Variants in ACOT7 observed in about 807,000 individuals in gnomAD.
ACOT7 encodes acyl-CoA thioesterase 7, also known as cytosolic acyl coenzyme A thioester hydrolase.
Under a neutral mutation model 40.2 loss-of-function variants are expected in ACOT7, and 12 were observed. The observed-to-expected ratio is 0.30, with a 90% confidence interval of 0.19 to 0.48. The LOEUF is 0.48. Ranked by LOEUF, ACOT7 falls within the 20% of genes least tolerant of loss-of-function variation. The pLI is 0.99. For synonymous variants in ACOT7, 228 were observed against 219.5 expected (o/e 1.04, Z -0.34); for missense variants, 395 against 530.8 (o/e 0.74, Z 2.51).
intron 6 of ACOT7, among the ~76,000 whole-genome samples, chr1:6,309,692 A>G (rs1055760033): frequency 4.6e-5 from 7 of 152,120 alleles, no homozygotes; most frequent in Admixed American, 1.3e-4. Flanking sequence ...GTTCTCGTTA[A>G]GGAGGCTTAG....
chr1:6,305,823 G>T (rs1165548850), intron 6 of ACOT7, among the ~76,000 whole-genome samples: 1 of 152,180 alleles, frequency 6.6e-6, no homozygotes, highest in Admixed American at 6.5e-5. Flanking sequence ...GGCACTTTGG[G>T]GGGCCAAGGC....
chr1:6,361,990 C>T (rs1378197638), intron 1 of ACOT7, among the ~76,000 whole-genome samples: 1 of 152,222 alleles, frequency 6.6e-6, no homozygotes, highest in Admixed American at 6.5e-5. Flanking sequence ...GCAGATGTGG[C>T]ATCCATCTCT....
chr1:6,346,850 A>T (rs1235857338), intron 2 of ACOT7, among the ~76,000 whole-genome samples: 1 of 152,118 alleles, frequency 6.6e-6, no homozygotes, highest in Non-Finnish European at 1.5e-5. Context: ...CTGCTCCCAG[A>T]GCCTCATGAG....
At chr1:6,268,660 C>T (rs1403166805) in intron 8 of ACOT7, among the ~76,000 whole-genome samples, 2 of 152,238 alleles carry the variant, frequency 1.3e-5, no homozygotes, top group Non-Finnish European at 2.9e-5. Context: ...TGATGGGCCC[C>T]AGGCCCCACG....
rs1215893756 is a variant in ACOT7, at chr1:6,306,279, A to G, written c.713-11299T>C. The G allele has an allele frequency of 6.1e-6, 6 of 984,886 alleles. No homozygotes were observed. The highest frequency in any genetic ancestry group is 1.8e-5 in the African/African-American group (1 of 56,978). The allele number at this position is 984,886 out of a possible 1,614,324, so 61.0% of individuals were successfully genotyped here. On this transcript the variant is annotated intron_variant, in intron 6 of 8. Coordinates refer to ENST00000361521, the MANE Select transcript of ACOT7 (RefSeq NM_007274.4). This position sits in a 1 kb window ranked among gnomAD's most constrained non-coding sequence, Gnocchi z 4.3. The stretch of plus-strand genomic sequence containing the variant: ...TGGCAAGACCTCAACCAAATACTCC[A>G]TATTTCTGGAAAGGGGTCAGTGCCC...
rs75953809 is a variant in ACOT7 at position 6,301,998 on chromosome 1, G to C, written c.713-7018C>G. Reference sequence around the variant, plus strand: ...ACTAACGATGGAAAAGGCCAAGACTGGTGGATGGAGTCAGTGCTATTCTGG... The same window carrying C: ...ACTAACGATGGAAAAGGCCAAGACTCGTGGATGGAGTCAGTGCTATTCTGG... On this transcript the variant is annotated intron_variant, in intron 6 of 8. Coordinates refer to ENST00000361521, the MANE Select transcript of ACOT7 (RefSeq NM_007274.4). This position sits in a 1 kb window ranked among gnomAD's most constrained non-coding sequence, Gnocchi z 4.1. Among the ~76,000 whole-genome samples, 49 of 152,374 alleles carry C rather than the reference G, an allele frequency of 3.2e-4. No individual in the cohort carries two copies. In the East Asian group the frequency reaches 9.4e-3, roughly 29 times the overall value.
rs971815224 is a variant in ACOT7 at position 6,352,930 on chromosome 1, G to A, written c.144-3064C>T. ...GTCTCATTCTGTCACCCAGGCTGGA[G>A]TACAGTGGCATGATCTTGGCTCACT... is the stretch of plus-strand genomic sequence containing the variant. On this transcript the variant is annotated intron_variant, in intron 1 of 8. Transcript: ENST00000361521. The surrounding 1 kb of genome is among the most constrained non-coding windows in gnomAD (Gnocchi z 4.5). Among the ~76,000 whole-genome samples the A allele has an allele frequency of 1.3e-5, 2 of 152,098 alleles. No homozygotes were observed. The highest frequency in any genetic ancestry group is 2.9e-5 in the Non-Finnish European group (2 of 68,030).
At position 6,289,131 on chromosome 1, in the gene ACOT7, G is replaced by A. The variant is rs1164936000; in HGVS notation, c.829+5733C>T. ...TTATTTTTTTTTGAGACGGAGTCTCGCTCTGTCGCCCCGGCTGGAGTGCAG... is the reference window on the plus strand; with the variant it reads ...TTATTTTTTTTTGAGACGGAGTCTCACTCTGTCGCCCCGGCTGGAGTGCAG... On this transcript the variant is annotated intron_variant, in intron 7 of 8. Transcript: ENST00000361521. The surrounding 1 kb of genome is among the most constrained non-coding windows in gnomAD (Gnocchi z 4.6). Among the ~76,000 whole-genome samples, 3 of 152,048 alleles carry A rather than the reference G, an allele frequency of 2.0e-5. No homozygotes were observed. Among genetic ancestry groups the A allele is most frequent in the African/African-American group, 7.2e-5 (3 of 41,398 alleles).
At chr1:6,323,729 AAAAAAAAAATATATAT>A (rs1305726571) in intron 5 of ACOT7, among the ~76,000 whole-genome samples, 6 of 94,624 alleles carry the variant, frequency 6.3e-5, no homozygotes, top group African/African-American at 1.1e-4. Context: ...AAAAAAAAAA[AAAAAAAAAATATATAT>A]ATATATATAT....
chr1:6,290,027 C>T (rs1319348410), intron 7 of ACOT7, among the ~76,000 whole-genome samples: 6 of 152,048 alleles, frequency 3.9e-5, no homozygotes, highest in Non-Finnish European at 8.8e-5. Flanking sequence ...CTGGGGTACC[C>T]GGGTGGGCCT....
At chr1:6,319,043 T>C (rs1041982246) in intron 5 of ACOT7, among the ~76,000 whole-genome samples, 12 of 152,042 alleles carry the variant, frequency 7.9e-5, no homozygotes, top group Non-Finnish European at 1.3e-4. Context: ...CCAACCCCAT[T>C]CACTGCTCTA....
At chr1:6,332,279 G>A (rs1235930030) in intron 4 of ACOT7, among the ~76,000 whole-genome samples, 1 of 152,194 alleles carries the variant, frequency 6.6e-6, no homozygotes, top group East Asian at 1.9e-4. Context: ...GCTCTTCCTG[G>A]GGGCTGTGGC....
At chr1:6,321,842 C>T (rs1315674049) in intron 5 of ACOT7, among the ~76,000 whole-genome samples, 1 of 152,216 alleles carries the variant, frequency 6.6e-6, no homozygotes, top group East Asian at 1.9e-4. Flanking sequence ...AGTCTCCTTC[C>T]GTTCCCAGGT....
intron 2 of ACOT7, among the ~76,000 whole-genome samples, chr1:6,343,542 AG>A (rs1186992417): frequency 6.6e-6 from 1 of 152,248 alleles, no homozygotes; most frequent in East Asian, 1.9e-4. Flanking sequence ...TACTCACAAC[AG>A]GTCACAGTAA....
rs749424998 is a variant in ACOT7, at chr1:6,281,261, G to A, written c.855C>T (p.Arg285=). The A allele has an allele frequency of 3.7e-6, 6 of 1,613,684 alleles. No homozygotes were observed. Among genetic ancestry groups the A allele is most frequent in the South Asian group, 1.1e-5 (1 of 91,074 alleles). ...TGGACTTATTGCTCGTGAAGGTCAT[G>A]CGTCCCGAGATGGTGATGACGCAGC... ...RKGCVITISG[R]MTFTSNKSME... The change falls in exon 8 of 9, where the codon CGC becomes CGT. Residue 285 remains arginine (R), a synonymous_variant. Coordinates refer to ENST00000361521, the MANE Select transcript of ACOT7 (RefSeq NM_007274.4).
chr1:6,335,318 ACT>A (rs1221714551), intron 3 of ACOT7, among the ~76,000 whole-genome samples: 2 of 130,828 alleles, frequency 1.5e-5, no homozygotes, highest in African/African-American at 6.0e-5. Flanking sequence ...CGAGAGCAAA[ACT>A]CTGCCTCAAA....
At chr1:6,393,138 G>T in intron 1 of ACOT7, 119 bp downstream of exon 1, 2 of 1,097,946 alleles carry the variant, frequency 1.8e-6, no homozygotes, top group African/African-American at 1.7e-5. Flanking sequence ...AAGGCCGTGC[G>T]GGGAATCGGC....
At position 6,301,979 on chromosome 1, in the gene ACOT7, G is replaced by T. The variant is rs1375841341; in HGVS notation, c.713-6999C>A. ...TATGAAACAACAACTTTATACTAAC[G>T]ATGGAAAAGGCCAAGACTGGTGGAT... is the stretch of plus-strand genomic sequence containing the variant. On this transcript the variant is annotated intron_variant, in intron 6 of 8. Coordinates refer to ENST00000361521, the MANE Select transcript of ACOT7 (RefSeq NM_007274.4). The surrounding 1 kb of genome is among the most constrained non-coding windows in gnomAD (Gnocchi z 4.1). Among the ~76,000 whole-genome samples, 1 of 152,198 alleles carries T rather than the reference G, an allele frequency of 6.6e-6. No individual in the cohort carries two copies. The highest frequency in any genetic ancestry group is 1.5e-5 in the Non-Finnish European group (1 of 68,036).
rs1571354264 is a variant in ACOT7, at chr1:6,379,296, G to C, written c.143+13961C>G. 3.3e-5 allele frequency among the ~76,000 whole-genome samples: 5 copies of C among 151,948 alleles called. 1 individual carries two copies. The highest frequency in any genetic ancestry group is 1.2e-4 in the African/African-American group (5 of 41,548). ...CAGCGGCTGTCTTTGGCCTCCACTT[G>C]CCAGCTGTGACGGCAAGCAAGTAGC... On this transcript the variant is annotated intron_variant, in intron 1 of 8. Coordinates refer to ENST00000361521, the MANE Select transcript of ACOT7 (RefSeq NM_007274.4).
Sources: allele counts gnomAD v4.1 joint callset (sites outside exome capture counted in the v4.1 genomes callset), GRCh38; gene constraint gnomAD v4.1.1; non-coding constraint Gnocchi (gnomAD v3.1); transcripts MANE v1.5; gene names NCBI Gene and HGNC (gene_info 2026-07-23, HGNC 2026-07-21).